Variants in INSIG1 observed in about 807,000 individuals in gnomAD.
The protein encoded by INSIG1 is insulin induced gene 1.
Under a neutral mutation model 26.5 loss-of-function variants are expected in INSIG1, and 14 were observed. The observed-to-expected ratio is 0.53, with a 90% CI of 0.35 to 0.83. INSIG1 has a LOEUF of 0.83. Ranked by LOEUF, INSIG1 falls within the 40% of genes least tolerant of loss-of-function variation. The pLI is 0.01. For synonymous variants in INSIG1, 147 were observed against 153.3 expected (o/e 0.96, Z 0.30); for missense variants, 272 against 368.9 (o/e 0.74, Z 2.15).
rs1276800459 is a variant in INSIG1, at chr7:155,301,696, C to A, written c.537+6C>A. ...GCATTAACCACGCCAGTGCTGTATC[C>A]TTAATTTTCTGTGCTACGTCCAGAG... On this transcript the variant is annotated splice_donor_region_variant and intron_variant, in intron 3 of 5. Transcript: ENST00000340368. The A allele has an allele frequency of 6.5e-7, 1 of 1,548,348 alleles. No individual in the cohort carries two copies. The highest frequency in any genetic ancestry group is 1.4e-5 in the African/African-American group (1 of 73,888).
At position 155,298,369 on chromosome 7, in the gene INSIG1, G is replaced by A. The variant is rs776415139; in HGVS notation, c.84G>A (p.Ala28=). 2.6e-6 allele frequency: 4 copies of A among 1,523,182 alleles called. No individual in the cohort carries two copies. The highest frequency in any genetic ancestry group is 3.5e-6 in the Non-Finnish European group (4 of 1,142,372). The allele number at this position is 1,523,182 out of a possible 1,614,324, so 94.4% of individuals were successfully genotyped here. A position where few individuals can be genotyped will look rare whatever the true frequency, so the allele number is the denominator to read the frequency against. ...GAGGCCCCCCGCGAGCCAGCGCCGC[G>A]GGGCTGGCGGCCAAGGTTGGGGAGA... is the stretch of plus-strand genomic sequence containing the variant. ...RRRGPPRASA[A]GLAAKVGEMI... The change falls in exon 2 of 6, where the codon GCG becomes GCA. Residue 28 remains alanine (A), a synonymous_variant. Coordinates refer to ENST00000340368, the MANE Select transcript of INSIG1 (RefSeq NM_005542.6).
chr7:155,298,619 ACT>A lies in INSIG1; in HGVS notation c.339_340del (p.Phe114ProfsTer44). Reference sequence around the variant, plus strand: ...CCTGCTGCAGATCCAGAGGAATGTCACTCTCTTCCCCGAGGAGGTGATCGCCA... The same window carrying A: ...CCTGCTGCAGATCCAGAGGAATGTCACTCTTCCCCGAGGAGGTGATCGCCA... ...LNLLQIQRNVTLFPEEVIATI... is the reference protein window; with the variant it reads ...LNLLQIQRNVXLFPEEVIATI... On this transcript the variant is annotated frameshift_variant, in exon 2 of 6. Coordinates refer to ENST00000340368, the MANE Select transcript of INSIG1 (RefSeq NM_005542.6). LOFTEE classifies it high-confidence loss of function. The A allele has an allele frequency of 6.2e-7, 1 of 1,611,944 alleles. No individual in the cohort carries two copies. The highest frequency in any genetic ancestry group is 8.5e-7 in the Non-Finnish European group (1 of 1,179,652).
chr7:155,304,881 T>C (rs1470739473), intron 5 of INSIG1, among the ~76,000 whole-genome samples: 2 of 151,666 alleles, frequency 1.3e-5, no homozygotes, highest in African/African-American at 4.9e-5. Flanking sequence ...CTCACGCCTT[T>C]AATCCCAGCA....
In INSIG1 at chr7:155,308,322, G is replaced by T; in HGVS notation, c.*52G>T. 1 of 1,605,678 alleles carries T rather than the reference G, an allele frequency of 6.2e-7. No homozygotes were observed. The highest frequency in any genetic ancestry group is 1.1e-5 in the South Asian group (1 of 90,864). ...CAAGGAAGATTTTGGAAGAAAATCTGACTGTGGATTATGACAAAGATTATC... is the reference window on the plus strand; with the variant it reads ...CAAGGAAGATTTTGGAAGAAAATCTTACTGTGGATTATGACAAAGATTATC... On this transcript the variant is annotated 3_prime_UTR_variant, in exon 6 of 6. Coordinates refer to ENST00000340368, the MANE Select transcript of INSIG1 (RefSeq NM_005542.6).
chr7:155,303,758 TA>T, intron 5 of INSIG1: 1 of 837,908 alleles, frequency 1.2e-6, no homozygotes, highest in Non-Finnish European at 1.7e-6. Context: ...CTCTCGGAGA[TA>T]AGCTCTGGGA....
In INSIG1 at chr7:155,308,524, G is replaced by T. The variant is rs1424312176; in HGVS notation, c.*254G>T. On this transcript the variant is annotated 3_prime_UTR_variant, in exon 6 of 6. Coordinates refer to ENST00000340368, the MANE Select transcript of INSIG1 (RefSeq NM_005542.6). ...GGAGCATTCTGCCCAGGCTACGTGG[G>T]TTCAGGCAGGTGGCAGCTTCCCAAG... 3 of 490,896 alleles carry T rather than the reference G, an allele frequency of 6.1e-6. No homozygotes were observed. The East Asian group carries it at 8.8e-5, about 14-fold the overall frequency. 30.4% of individuals were successfully genotyped at this position (490,896 alleles called of 1,614,324 possible). A position where few individuals can be genotyped will look rare whatever the true frequency, so the allele number is the denominator to read the frequency against.
chr7:155,309,369 C>T lies in INSIG1; in HGVS notation c.*1099C>T, dbSNP rs1185140507. The stretch of plus-strand genomic sequence containing the variant: ...TATTTTTTTTAACGTGTGAGATGTT[C>T]GAGAGAAGGTTCTCCATTCATTTCA... On this transcript the variant is annotated 3_prime_UTR_variant, in exon 6 of 6. Coordinates refer to ENST00000340368, the MANE Select transcript of INSIG1 (RefSeq NM_005542.6). The T allele has an allele frequency of 1.3e-5, 2 of 152,614 alleles. No individual in the cohort carries two copies. The highest frequency in any genetic ancestry group is 4.8e-5 in the African/African-American group (2 of 41,512). The allele number at this position is 152,614 out of a possible 1,614,324, so 9.5% of individuals were successfully genotyped here.
chr7:155,301,761 A>G, intron 3 of INSIG1, 71 bp downstream of exon 3: 2 of 1,354,424 alleles, frequency 1.5e-6, no homozygotes, highest in African/African-American at 1.4e-5. Context: ...TTGTTTTGTT[A>G]TATACTCAAA....
intron 2 of INSIG1, among the ~76,000 whole-genome samples, chr7:155,301,316 C>G (rs1797777912): frequency 6.6e-6 from 1 of 152,186 alleles, no homozygotes; most frequent in Admixed American, 6.5e-5. Context: ...TTGATTCCTT[C>G]CTGTGTTTAC....
rs1798006334 is a variant in INSIG1, at chr7:155,308,753, AAC to A, written c.*485_*486del. The A allele has an allele frequency of 6.3e-6, 1 of 158,690 alleles. No individual in the cohort carries two copies. Among genetic ancestry groups the A allele is most frequent in the Non-Finnish European group, 1.4e-5 (1 of 71,310 alleles). The allele number at this position is 158,690 out of a possible 1,614,324, so 9.8% of individuals were successfully genotyped here. A position where few individuals can be genotyped will look rare whatever the true frequency, so the allele number is the denominator to read the frequency against. On this transcript the variant is annotated 3_prime_UTR_variant, in exon 6 of 6. Coordinates refer to ENST00000340368, the MANE Select transcript of INSIG1 (RefSeq NM_005542.6). ...GGGCTGTGTTTAAAAAAAAAAACAA[AAC>A]AAGAAAAGCAGCAGTGATTATAGAG...
chr7:155,302,726 C>G lies in INSIG1; in HGVS notation c.705-21C>G, dbSNP rs771053389. 2.0e-6 allele frequency: 3 copies of G among 1,497,842 alleles called. No individual in the cohort carries two copies. In the South Asian group the frequency reaches 3.4e-5, roughly 17 times the overall value. The allele number at this position is 1,497,842 out of a possible 1,614,324, so 92.8% of individuals were successfully genotyped here. On this transcript the variant is annotated intron_variant, in intron 4 of 5. Transcript: ENST00000340368. This position sits in a 1 kb window ranked among gnomAD's most constrained non-coding sequence, Gnocchi z 4.3. ...CCAGGTGAAATTGACTGCTAAGGTACAGTTTCTTTTCTCGCTCCAGGTATA... is the reference window on the plus strand; with the variant it reads ...CCAGGTGAAATTGACTGCTAAGGTAGAGTTTCTTTTCTCGCTCCAGGTATA...
At position 155,302,587 on chromosome 7, in the gene INSIG1, G is replaced by A. The variant is rs1797820012; in HGVS notation, c.705-160G>A. On this transcript the variant is annotated intron_variant, in intron 4 of 5. Transcript: ENST00000340368. The surrounding 1 kb of genome is among the most constrained non-coding windows in gnomAD (Gnocchi z 4.3). ...TATCCATAACTTAATGTAACGCAAAGGAAAACCAAGTAGTAGCAGTTACAA... is the reference window on the plus strand; with the variant it reads ...TATCCATAACTTAATGTAACGCAAAAGAAAACCAAGTAGTAGCAGTTACAA... 4 of 930,390 alleles carry A rather than the reference G, an allele frequency of 4.3e-6. No individual in the cohort carries two copies. Among genetic ancestry groups the A allele is most frequent in the Non-Finnish European group, 6.4e-6 (4 of 624,482 alleles). The allele number at this position is 930,390 out of a possible 1,614,324, so 57.6% of individuals were successfully genotyped here.
At chr7:155,305,594 G>T (rs1200229785) in intron 5 of INSIG1, among the ~76,000 whole-genome samples, 2 of 152,224 alleles carry the variant, frequency 1.3e-5, no homozygotes, top group African/African-American at 2.4e-5. Context: ...TGTGAAGGGA[G>T]ATGACGAGAG....
In INSIG1 at chr7:155,298,637, G is replaced by A. The variant is rs761769847; in HGVS notation, c.352G>A (p.Val118Met). The change falls in exon 2 of 6, where the codon GTG (valine) becomes ATG (methionine). Residue 118 changes from valine (V) to methionine (M), a missense_variant. Physicochemically the swap from Val to Met is conservative, Grantham distance 21. Transcript: ENST00000340368. ...QRNVTLFPEE[V>M]IATIFSSAWW... ...GAATGTCACTCTCTTCCCCGAGGAG[G>A]TGATCGCCACCATCTTTTCCTCCGC... 1.6e-5 allele frequency: 26 copies of A among 1,613,188 alleles called. No individual in the cohort carries two copies. Among genetic ancestry groups the A allele is most frequent in the Non-Finnish European group, 1.9e-5 (22 of 1,179,978 alleles).
Position 155,301,585 on chromosome 7 carries a change from C to A in INSIG1, c.432C>A (p.Tyr144Ter). ...GTAAAVVGLL[Y>*]PCIDSHLGEP... ...AAACAGCTGTTGTTGGCCTACTGTA[C>A]CCCTGTATCGACAGTCACCTCGGAG... Residue 144 changes from tyrosine (Y) to a stop codon, truncating the protein, a stop_gained, in exon 3 of 6, where the codon TAC becomes TAA. Transcript: ENST00000340368. LOFTEE classifies it high-confidence loss of function. 6.2e-7 allele frequency: 1 copy of A among 1,609,410 alleles called. No individual in the cohort carries two copies. Among genetic ancestry groups the A allele is most frequent in the Non-Finnish European group, 8.5e-7 (1 of 1,176,674 alleles).
intron 5 of INSIG1, 142 bp from the exon 6 acceptor site, chr7:155,308,099 T>A (rs1563034120): frequency 3.5e-6 from 2 of 579,446 alleles, no homozygotes; most frequent in African/African-American, 1.9e-5. Flanking sequence ...TCTCTGCACA[T>A]GTCCCACCTC....
Position 155,308,780 on chromosome 7 carries a change from G to C in INSIG1, c.*510G>C, listed in dbSNP as rs183233384. 1.3e-5 allele frequency: 2 copies of C among 157,822 alleles called. No homozygotes were observed. Among genetic ancestry groups the C allele is most frequent in the African/African-American group, 4.8e-5 (2 of 41,642 alleles). The allele number at this position is 157,822 out of a possible 1,614,324, so 9.8% of individuals were successfully genotyped here. A position where few individuals can be genotyped will look rare whatever the true frequency, so the allele number is the denominator to read the frequency against. On this transcript the variant is annotated 3_prime_UTR_variant, in exon 6 of 6. Coordinates refer to ENST00000340368, the MANE Select transcript of INSIG1 (RefSeq NM_005542.6). ...CAAGAAAAGCAGCAGTGATTATAGA[G>C]AGGTCACACTCTAAGTGGGGTCGCG... is the stretch of plus-strand genomic sequence containing the variant.
Position 155,302,422 on chromosome 7 carries a change from G to A in INSIG1, c.704+5G>A. On this transcript the variant is annotated splice_donor_5th_base_variant and intron_variant, in intron 4 of 5. Coordinates refer to ENST00000340368, the MANE Select transcript of INSIG1 (RefSeq NM_005542.6). This position sits in a 1 kb window ranked among gnomAD's most constrained non-coding sequence, Gnocchi z 4.3. Reference sequence around the variant, plus strand: ...CGTGTATAATGGTGTCTATCAGTAAGTGTGTGTTTTCAAATATTGGCTTTG... The same window carrying A: ...CGTGTATAATGGTGTCTATCAGTAAATGTGTGTTTTCAAATATTGGCTTTG... 1 of 1,568,972 alleles carries A rather than the reference G, an allele frequency of 6.4e-7. No individual in the cohort carries two copies.
intron 2 of INSIG1, among the ~76,000 whole-genome samples, chr7:155,298,955 C>A (rs887051855): frequency 5.9e-5 from 9 of 152,200 alleles, no homozygotes; most frequent in Non-Finnish European, 1.2e-4. Context: ...ATTGGCTGTT[C>A]AAGCAGGTGC....
Sources: gnomAD v4.1 joint callset for allele counts (sites outside exome capture counted in the v4.1 genomes callset) on GRCh38, gnomAD v4.1.1 for gene constraint, Gnocchi (gnomAD v3.1) non-coding constraint, MANE v1.5 for transcripts, NCBI Gene and HGNC (gene_info 2026-07-23, HGNC 2026-07-21) for gene names.